DLGAP1: variants seen among roughly 807,000 people sequenced by gnomAD.
DLGAP1 encodes DLG associated protein 1, also known as disks large-associated protein 1.
DLGAP1 carries 11 observed loss-of-function variants against 90.8 expected under a neutral mutation model. The observed-to-expected ratio is 0.12, with a 90% CI of 0.08 to 0.20. The LOEUF (loss-of-function observed/expected upper bound fraction) is 0.20. DLGAP1 is among the 10% of genes least tolerant of loss of function. The pLI is 1.00. For missense variants in DLGAP1, 1,050 were observed against 1,333.8 expected (o/e 0.79, Z 3.31); for synonymous variants, 558 against 540.7 (o/e 1.03, Z -0.44).
chr18:3,901,696 G>T (rs2071787328), intron 3 of DLGAP1, among the ~76,000 whole-genome samples: 1 of 152,108 alleles, frequency 6.6e-6, no homozygotes, highest in Admixed American at 6.5e-5. Context: ...TTTCTGCTTA[G>T]TCTAAGAAAT....
chr18:3,964,352 G>C (rs902732752), intron 3 of DLGAP1, among the ~76,000 whole-genome samples: 1 of 152,202 alleles, frequency 6.6e-6, no homozygotes, highest in African/African-American at 2.4e-5. Flanking sequence ...TAGTTGTCCT[G>C]TTAATGATGT....
intron 1 of DLGAP1, among the ~76,000 whole-genome samples, chr18:4,441,071 C>G (rs1458817206): frequency 1.3e-5 from 2 of 152,094 alleles, no homozygotes; most frequent in Non-Finnish European, 2.9e-5. Context: ...TTTTTTTACC[C>G]CTTGCTATTA....
At chr18:4,418,195 A>G (rs928087437) in intron 1 of DLGAP1, among the ~76,000 whole-genome samples, 29 of 152,208 alleles carry the variant, frequency 1.9e-4, no homozygotes, top group African/African-American at 6.0e-4. Flanking sequence ...CTAAAGGCCC[A>G]GCAGAGGGAA....
chr18:3,557,356 C>A (rs1043941495), intron 9 of DLGAP1, among the ~76,000 whole-genome samples: 6 of 152,000 alleles, frequency 3.9e-5, no homozygotes, highest in Non-Finnish European at 7.4e-5. Context: ...TCCGTCTCTA[C>A]TAAAAAAATA....
intron 2 of DLGAP1, among the ~76,000 whole-genome samples, chr18:4,117,106 G>A (rs1568405936): frequency 6.6e-6 from 1 of 152,180 alleles, no homozygotes; most frequent in Non-Finnish European, 1.5e-5. Flanking sequence ...CACACACAAA[G>A]GGAAGATCAC....
chr18:3,525,103 ATC>A (rs71366676), intron 10 of DLGAP1, among the ~76,000 whole-genome samples: 974 of 83,546 alleles, frequency 0.012, 12 homozygotes, highest in African/African-American at 0.034. Context: ...AAAAAAAAAA[ATC>A]AACAACATTA....
chr18:4,011,748 T>C (rs2074426856), intron 2 of DLGAP1, among the ~76,000 whole-genome samples: 1 of 152,082 alleles, frequency 6.6e-6, no homozygotes, highest in African/African-American at 2.4e-5. Flanking sequence ...CCTTTGAGCC[T>C]AGGAGGTCAA....
intron 5 of DLGAP1, among the ~76,000 whole-genome samples, chr18:3,779,482 C>A (rs2065088884): frequency 6.6e-6 from 1 of 152,186 alleles, no homozygotes; most frequent in South Asian, 2.1e-4. Flanking sequence ...TCGGATCATG[C>A]CTGAACACTC....
intron 4 of DLGAP1, among the ~76,000 whole-genome samples, chr18:3,869,605 C>T (rs892516533): frequency 1.3e-5 from 2 of 152,174 alleles, no homozygotes; most frequent in Non-Finnish European, 2.9e-5. Context: ...CGACTTCAGA[C>T]GAAAGCTTTC....
At chr18:3,962,932 C>A (rs979378394) in intron 3 of DLGAP1, among the ~76,000 whole-genome samples, 3 of 152,074 alleles carry the variant, frequency 2.0e-5, no homozygotes, top group Non-Finnish European at 4.4e-5. Context: ...TGATTTGATG[C>A]TTCTTGTAGG....
At chr18:4,062,786 T>C (rs2075316930) in intron 2 of DLGAP1, among the ~76,000 whole-genome samples, 1 of 152,084 alleles carries the variant, frequency 6.6e-6, no homozygotes, top group African/African-American at 2.4e-5. Flanking sequence ...TAGATTCTAG[T>C]CCCATCAATT....
intron 9 of DLGAP1, among the ~76,000 whole-genome samples, chr18:3,567,093 T>TTCATCATTCAC (rs2054477841): frequency 6.6e-6 from 1 of 150,542 alleles, no homozygotes; most frequent in Non-Finnish European, 1.5e-5. Flanking sequence ...TCATCATTCA[T>TTCATCATTCAC]TGAGCACACA....
intron 8 of DLGAP1, among the ~76,000 whole-genome samples, chr18:3,574,056 T>C (rs921235508): frequency 2.6e-5 from 4 of 152,180 alleles, no homozygotes; most frequent in African/African-American, 9.7e-5. Flanking sequence ...TATACATGAG[T>C]GTACGTATTA....
At chr18:4,114,680 C>A (rs1310258039) in intron 2 of DLGAP1, among the ~76,000 whole-genome samples, 1 of 151,804 alleles carries the variant, frequency 6.6e-6, no homozygotes, top group Admixed American at 6.6e-5. Flanking sequence ...TGTGGATTAA[C>A]CCTGTTATCT....
chr18:3,844,665 C>T (rs868823825), intron 4 of DLGAP1, among the ~76,000 whole-genome samples: 38 of 152,108 alleles, frequency 2.5e-4, no homozygotes, highest in African/African-American at 6.3e-4. Flanking sequence ...ATTACCAGCA[C>T]GCTGTTATTT....
intron 3 of DLGAP1, chr18:3,896,958 T>C (rs955094823): frequency 6.6e-6 from 1 of 152,322 alleles, no homozygotes; most frequent in Non-Finnish European, 1.5e-5. Context: ...CAGGCCTTGC[T>C]GGGTTCCCTG....
rs560496636 is a variant in DLGAP1 at position 4,454,863 on chromosome 18, G to A, written c.-267+143C>T. 6.6e-6 allele frequency: 1 copy of A among 151,634 alleles called. No individual in the cohort carries two copies. Among genetic ancestry groups the A allele is most frequent in the Non-Finnish European group, 1.5e-5 (1 of 67,804 alleles). The allele number at this position is 151,634 out of a possible 1,614,324, so 9.4% of individuals were successfully genotyped here. ...GTAAGGAGCGCGGACTCTCGAGCCA[G>A]CGGCCGGGGGAGCCCAGCCCGCAGC... On this transcript the variant is annotated intron_variant, in intron 1 of 12. Coordinates refer to ENST00000315677, the MANE Select transcript of DLGAP1 (RefSeq NM_004746.4). This position sits in a 1 kb window ranked among gnomAD's most constrained non-coding sequence, Gnocchi z 4.7.
At chr18:3,948,881 T>C (rs1035968967) in intron 3 of DLGAP1, among the ~76,000 whole-genome samples, 15 of 151,956 alleles carry the variant, frequency 9.9e-5, no homozygotes, top group Non-Finnish European at 1.6e-4. Context: ...AACTTACTCA[T>C]GTAACCAAAT....
intron 3 of DLGAP1, among the ~76,000 whole-genome samples, chr18:3,982,839 G>A (rs574628945): frequency 1.6e-4 from 25 of 152,152 alleles, no homozygotes; most frequent in Admixed American, 1.4e-3. Flanking sequence ...ATGGAATGGT[G>A]GAAAATCAAA....
Sources: gnomAD v4.1 joint callset for allele counts (sites outside exome capture counted in the v4.1 genomes callset) on GRCh38, gnomAD v4.1.1 for gene constraint, Gnocchi (gnomAD v3.1) non-coding constraint, MANE v1.5 for transcripts, NCBI Gene and HGNC (gene_info 2026-07-23, HGNC 2026-07-21) for gene names.